The following SH2D6 variants were observed in gnomAD, a reference collection of about 807,000 sequenced individuals.
SH2D6 encodes SH2 domain-containing protein 6.
Under a neutral mutation model 30.2 loss-of-function variants are expected in SH2D6, and 31 were observed. The observed-to-expected ratio is 1.03, with a 90% CI of 0.77 to 1.38. SH2D6 has a LOEUF of 1.38. Among genes scored for constraint, SH2D6 ranks in the 40% most tolerant of loss-of-function variants. The probability of loss-of-function intolerance (pLI) is 0.00; values close to 1 mark genes in which losing one functional copy is unlikely to be tolerated. For synonymous variants in SH2D6, 93 were observed against 104.6 expected (o/e 0.89, Z 0.68); for missense variants, 240 against 266.8 (o/e 0.90, Z 0.70).
At position 85,433,489 on chromosome 2, in the gene SH2D6, G is replaced by A. The variant is rs193299912; in HGVS notation, c.394-82G>A. The stretch of plus-strand genomic sequence containing the variant: ...TGCCTGCCACCCCTTCAAATCGATG[G>A]CTCCTCCCCCAAAACCCCAGTCCTA... On this transcript the variant is annotated intron_variant, in intron 15 of 23. Coordinates refer to ENST00000469800, the MANE Select transcript of SH2D6 (RefSeq NM_001394463.1). The A allele has an allele frequency of 6.0e-5, 44 of 729,102 alleles. No homozygotes were observed. In the East Asian group the frequency reaches 4.4e-3, roughly 73 times the overall value. 45.2% of individuals were successfully genotyped at this position (729,102 alleles called of 1,614,324 possible). A position where few individuals can be genotyped will look rare whatever the true frequency, so the allele number is the denominator to read the frequency against.
chr2:85,431,765 C>T (rs993008418), intron 13 of SH2D6, 134 bp from the exon 14 acceptor site: 1 of 152,628 alleles, frequency 6.6e-6, no homozygotes, highest in Admixed American at 6.5e-5. Context: ...AGGGTAGAAG[C>T]AAAGGGAAGA....
chr2:85,434,522 A>AG, intron 19 of SH2D6, 25 bp downstream of exon 19: 1 of 1,547,510 alleles, frequency 6.5e-7, no homozygotes, highest in East Asian at 2.5e-5. Flanking sequence ...GTCCAAAGGT[A>AG]GTGAGTTATC....
chr2:85,435,795 C>A lies in SH2D6; in HGVS notation c.862C>A (p.Leu288Met). ...RRLDGGRHYA[L>M]GREGRNREEL... Reference sequence around the variant, plus strand: ...GCTGGATGGCGGACGCCACTATGCCCTGGGCCGGGAGGGCAGGAACCGTGA... The same window carrying A: ...GCTGGATGGCGGACGCCACTATGCCATGGGCCGGGAGGGCAGGAACCGTGA... Residue 288 changes from leucine to methionine, a missense_variant, in exon 22 of 24, where the codon CTG becomes ATG. By Grantham distance (15) the Leu-to-Met change is conservative. Coordinates refer to ENST00000469800, the MANE Select transcript of SH2D6 (RefSeq NM_001394463.1). The A allele has an allele frequency of 1.2e-6, 2 of 1,601,828 alleles. No individual in the cohort carries two copies. Among genetic ancestry groups the A allele is most frequent in the East Asian group, 4.5e-5 (2 of 44,432 alleles).
At chr2:85,426,845 T>G (rs1214675991) in intron 6 of SH2D6, among the ~76,000 whole-genome samples, 3 of 152,250 alleles carry the variant, frequency 2.0e-5, no homozygotes, top group Non-Finnish European at 4.4e-5. Context: ...CCCAGACTTG[T>G]GCCTGGTATC....
chr2:85,424,308 C>T (rs1460065395), intron 5 of SH2D6, among the ~76,000 whole-genome samples: 1 of 152,188 alleles, frequency 6.6e-6, no homozygotes, highest in Non-Finnish European at 1.5e-5. Flanking sequence ...GGCCTGGCCT[C>T]CCGCTCCCTG....
Position 85,426,107 on chromosome 2 carries a change from C to T in SH2D6, c.-209+700C>T, listed in dbSNP as rs537914513. On this transcript the variant is annotated intron_variant, in intron 6 of 23. Transcript: ENST00000469800. ...TCCGCGGCTCTTCCTCCACGTGCTG[C>T]GCTCTCCCACCTCTGAGACCTCTGA... Among the ~76,000 whole-genome samples, 188 of 152,260 alleles carry T rather than the reference C, an allele frequency of 1.2e-3. 1 individual carries two copies. The highest frequency in any genetic ancestry group is 1.6e-3 in the Admixed American group (25 of 15,292).
At chr2:85,435,619 G>T (rs761636937) in intron 21 of SH2D6, 47 bp from the exon 22 acceptor site, 4 of 1,579,372 alleles carry the variant, frequency 2.5e-6, no homozygotes, top group East Asian at 4.5e-5. Context: ...CAGGGCAGTG[G>T]GAGGGCCATT....
intron 2 of SH2D6, among the ~76,000 whole-genome samples, chr2:85,419,682 GATC>G (rs1687674972): frequency 1.3e-5 from 2 of 152,204 alleles, no homozygotes; most frequent in Non-Finnish European, 2.9e-5. Context: ...CTACATACTG[GATC>G]ATCAAGGAAG....
At chr2:85,435,573 C>A in intron 21 of SH2D6, 77 bp downstream of exon 21, 1 of 1,582,908 alleles carries the variant, frequency 6.3e-7, no homozygotes, top group Non-Finnish European at 8.6e-7. Context: ...CAGTGGGGAG[C>A]AGGAGGGCCA....
intron 5 of SH2D6, among the ~76,000 whole-genome samples, chr2:85,424,437 T>C (rs1042828763): frequency 6.6e-6 from 1 of 152,180 alleles, no homozygotes; most frequent in Non-Finnish European, 1.5e-5. Context: ...TCTATATTGA[T>C]GGATTTTTTT....
intron 5 of SH2D6, among the ~76,000 whole-genome samples, chr2:85,424,201 T>C (rs1687870462): frequency 6.6e-6 from 1 of 152,206 alleles, no homozygotes; most frequent in African/African-American, 2.4e-5. Context: ...CCCACTCTGC[T>C]GGGAGAGGAA....
chr2:85,435,033 C>T, intron 19 of SH2D6, 32 bp from the exon 20 acceptor site: 4 of 1,560,332 alleles, frequency 2.6e-6, no homozygotes, highest in Non-Finnish European at 3.5e-6. Context: ...CCCACCCCAC[C>T]CCACCCCAGC....
intron 6 of SH2D6, among the ~76,000 whole-genome samples, chr2:85,426,410 C>A (rs548210840): frequency 1.8e-4 from 27 of 151,970 alleles, no homozygotes; most frequent in Admixed American, 1.6e-3. Flanking sequence ...TCTCTCTGGC[C>A]TTTTCCTGTC....
Position 85,418,847 on chromosome 2 carries a change from C to G in SH2D6, c.-876C>G, listed in dbSNP as rs1243262995. 1.3e-5 allele frequency: 2 copies of G among 152,472 alleles called. No individual in the cohort carries two copies. Among genetic ancestry groups the G allele is most frequent in the African/African-American group, 2.4e-5 (1 of 41,462 alleles). The allele number at this position is 152,472 out of a possible 1,614,324, so 9.4% of individuals were successfully genotyped here. ...TCCTCGCAAACCCAGCTCCCCACCC[C>G]TGCACGCGCCCCTCTGCCCTGGAGT... On this transcript the variant is annotated 5_prime_UTR_variant, in exon 1 of 24. Coordinates refer to ENST00000469800, the MANE Select transcript of SH2D6 (RefSeq NM_001394463.1).
intron 14 of SH2D6, among the ~76,000 whole-genome samples, chr2:85,432,858 CAA>C (rs1183076144): frequency 6.6e-6 from 1 of 152,156 alleles, no homozygotes; most frequent in Non-Finnish European, 1.5e-5. Context: ...TTGAACAGTC[CAA>C]AGTCATTTGG....
In SH2D6 at chr2:85,425,303, C is replaced by A. The variant is rs1450972564; in HGVS notation, c.-308-5C>A. ...TTGAGACTGTGTTTCACTCTTACTG[C>A]CCAGGTTTGAGAGCAATGGCGCGAT... On this transcript the variant is annotated splice_region_variant and splice_polypyrimidine_tract_variant and intron_variant, in intron 5 of 23. Transcript: ENST00000469800. 1 of 145,504 alleles carries A rather than the reference C, an allele frequency of 6.9e-6. No homozygotes were observed. The highest frequency in any genetic ancestry group is 2.0e-4 in the East Asian group (1 of 4,976). The allele number at this position is 145,504 out of a possible 1,614,324, so 9.0% of individuals were successfully genotyped here. A position where few individuals can be genotyped will look rare whatever the true frequency, so the allele number is the denominator to read the frequency against.
intron 6 of SH2D6, among the ~76,000 whole-genome samples, chr2:85,428,292 A>T (rs867690044): frequency 6.6e-6 from 1 of 152,314 alleles, no homozygotes. Flanking sequence ...CTTAGCCTTT[A>T]GGGCACAGGC....
At position 85,436,344 on chromosome 2, in the gene SH2D6, C is replaced by T. The variant is rs543184700; in HGVS notation, c.892-122C>T. 1,403 of 721,220 alleles carry T rather than the reference C, an allele frequency of 1.9e-3. 27 individuals are homozygous for T. In the South Asian group the frequency reaches 0.023, roughly 12 times the overall value. The allele number at this position is 721,220 out of a possible 1,614,324, so 44.7% of individuals were successfully genotyped here. A position where few individuals can be genotyped will look rare whatever the true frequency, so the allele number is the denominator to read the frequency against. ...TGGCAGTGGAGCGGCATGGGGCAAA[C>T]AGGAAGGAAGATATCTAGAAAAATG... On this transcript the variant is annotated intron_variant, in intron 22 of 23. Coordinates refer to ENST00000469800, the MANE Select transcript of SH2D6 (RefSeq NM_001394463.1).
rs1463879296 is a variant in SH2D6 at position 85,430,016 on chromosome 2, GT to G, written c.64+2del. The G allele has an allele frequency of 6.5e-6, 1 of 152,678 alleles. No homozygotes were observed. The highest frequency in any genetic ancestry group is 1.5e-5 in the Non-Finnish European group (1 of 68,146). 9.5% of individuals were successfully genotyped at this position (152,678 alleles called of 1,614,324 possible). ...CCGCTCCCACCCCCCAGATGTGTGG[GT>G]AAGTGACACAGGGGGTCAGAGGGGC... is the stretch of plus-strand genomic sequence containing the variant. On this transcript the variant is annotated splice_donor_variant, in intron 10 of 23. Coordinates refer to ENST00000469800, the MANE Select transcript of SH2D6 (RefSeq NM_001394463.1). LOFTEE classifies it high-confidence loss of function. This position sits in a 1 kb window ranked among gnomAD's most constrained non-coding sequence, Gnocchi z 4.3.
Sources: allele counts gnomAD v4.1 joint callset (sites outside exome capture counted in the v4.1 genomes callset), GRCh38; gene constraint gnomAD v4.1.1; non-coding constraint Gnocchi (gnomAD v3.1); transcripts MANE v1.5; gene names NCBI Gene and HGNC (gene_info 2026-07-23, HGNC 2026-07-21).